The following NRCAM variants were observed in gnomAD, a reference collection of about 807,000 sequenced individuals.
The protein encoded by NRCAM is neuronal cell adhesion molecule, also known as NgCAM-related cell adhesion molecule.
In NRCAM, 83 loss-of-function variants were observed where a neutral mutation model predicts 156.5. That is an observed-to-expected ratio of 0.53 (90% confidence interval 0.44 to 0.64). NRCAM has a LOEUF of 0.64. NRCAM is among the 30% of genes least tolerant of loss of function. The probability of loss-of-function intolerance (pLI) is 0.00; values close to 1 mark genes in which losing one functional copy is unlikely to be tolerated. For missense variants in NRCAM, 1,417 were observed against 1,597.3 expected, an observed-to-expected ratio of 0.89 and a Z score of 1.92; for synonymous variants, 538 against 563.9, an observed-to-expected ratio of 0.95 and a Z score of 0.65.
chr7:108,422,004 C>A (rs1347476375), intron 1 of NRCAM, among the ~76,000 whole-genome samples: 1 of 152,158 alleles, frequency 6.6e-6, no homozygotes, highest in Non-Finnish European at 1.5e-5. Context: ...GAACAGTAGT[C>A]AAAATAGTCA....
chr7:108,224,474 G>A (rs2093062662), intron 10 of NRCAM, among the ~76,000 whole-genome samples: 1 of 152,042 alleles, frequency 6.6e-6, no homozygotes, highest in South Asian at 2.1e-4. Context: ...AAAAAATAAA[G>A]AGGATCCAAG....
At chr7:108,201,746 G>C (rs189388973) in intron 13 of NRCAM, among the ~76,000 whole-genome samples, 42 of 152,184 alleles carry the variant, frequency 2.8e-4, no homozygotes, top group Admixed American at 9.8e-4. Flanking sequence ...CAACTCTTTG[G>C]GAAGGTATTT....
chr7:108,350,257 C>T (rs2099402018), intron 2 of NRCAM, among the ~76,000 whole-genome samples: 1 of 152,196 alleles, frequency 6.6e-6, no homozygotes, highest in African/African-American at 2.4e-5. Flanking sequence ...TTCAACCATC[C>T]TAAGATGCTC....
intron 1 of NRCAM, among the ~76,000 whole-genome samples, chr7:108,448,711 A>G (rs1409966156): frequency 1.3e-5 from 2 of 152,214 alleles, no homozygotes; most frequent in Admixed American, 1.3e-4. Context: ...CTGCCTACCA[A>G]AATGAATGGA....
At chr7:108,360,223 A>C (rs757246381) in intron 2 of NRCAM, among the ~76,000 whole-genome samples, 1 of 152,174 alleles carries the variant, frequency 6.6e-6, no homozygotes, top group African/African-American at 2.4e-5. Context: ...TAGTCAATTA[A>C]ACAGAGAAGG....
intron 20 of NRCAM, among the ~76,000 whole-genome samples, chr7:108,186,161 T>C (rs1036121511): frequency 1.3e-5 from 2 of 152,224 alleles, no homozygotes; most frequent in African/African-American, 4.8e-5. Context: ...AAAAATATTA[T>C]ATGTCTTGCA....
chr7:108,282,384 T>A (rs750706916), intron 3 of NRCAM, among the ~76,000 whole-genome samples: 1 of 152,228 alleles, frequency 6.6e-6, no homozygotes, highest in Non-Finnish European at 1.5e-5. Flanking sequence ...GAGACATGAT[T>A]ACCAGAAACA....
At chr7:108,155,920 T>C (rs192139998) in intron 32 of NRCAM, among the ~76,000 whole-genome samples, 203 of 152,254 alleles carry the variant, frequency 1.3e-3, no homozygotes, top group African/African-American at 4.7e-3. Context: ...CAAATTGTTT[T>C]TCAATAGCAC....
chr7:108,344,342 A>C (rs1454634765), intron 2 of NRCAM, among the ~76,000 whole-genome samples: 1 of 152,210 alleles, frequency 6.6e-6, no homozygotes, highest in Non-Finnish European at 1.5e-5. Flanking sequence ...AGGTAAAGAA[A>C]TAGCCAATCA....
intron 13 of NRCAM, among the ~76,000 whole-genome samples, chr7:108,199,665 A>C: frequency 6.6e-6 from 1 of 152,164 alleles, no homozygotes. Context: ...TTCCAACCAA[A>C]GCCGGAAAAG....
chr7:108,392,281 T>G (rs2099762803), intron 2 of NRCAM, among the ~76,000 whole-genome samples: 1 of 152,216 alleles, frequency 6.6e-6, no homozygotes. Flanking sequence ...TTCTTTTTAC[T>G]TTTTTCTCTA....
intron 13 of NRCAM, among the ~76,000 whole-genome samples, chr7:108,200,297 G>A (rs367871498): frequency 4.6e-5 from 7 of 152,158 alleles, no homozygotes; most frequent in Non-Finnish European, 7.3e-5. Context: ...ATATAGATTC[G>A]TTGATAAAAG....
intron 11 of NRCAM, among the ~76,000 whole-genome samples, chr7:108,216,281 G>A (rs1000940715): frequency 2.0e-5 from 3 of 152,144 alleles, no homozygotes; most frequent in African/African-American, 4.8e-5. Context: ...CAAAAGATCC[G>A]CTGTTAGTCT....
At chr7:108,348,989 C>CA (rs1377230014) in intron 2 of NRCAM, among the ~76,000 whole-genome samples, 4 of 151,240 alleles carry the variant, frequency 2.6e-5, no homozygotes, top group Non-Finnish European at 1.5e-5. Context: ...AATGTATTGG[C>CA]AAGACAGGAT....
intron 1 of NRCAM, among the ~76,000 whole-genome samples, chr7:108,411,115 TTTA>T (rs1794857228): frequency 6.6e-6 from 1 of 152,210 alleles, no homozygotes; most frequent in Admixed American, 6.5e-5. Flanking sequence ...TCAGTTGGCA[TTTA>T]TTTTTTCTTC....
intron 3 of NRCAM, among the ~76,000 whole-genome samples, chr7:108,245,088 T>C (rs763564627): frequency 6.6e-6 from 1 of 151,974 alleles, no homozygotes; most frequent in Non-Finnish European, 1.5e-5. Context: ...GAAGGTAACT[T>C]TTATTACATT....
chr7:108,186,983 C>A (rs1587108970), intron 20 of NRCAM, among the ~76,000 whole-genome samples: 1 of 152,122 alleles, frequency 6.6e-6, no homozygotes, highest in South Asian at 2.1e-4. Flanking sequence ...TGACGTTTGA[C>A]AGATGTCACT....
intron 3 of NRCAM, among the ~76,000 whole-genome samples, chr7:108,255,434 C>T (rs1230825008): frequency 6.6e-6 from 1 of 152,212 alleles, no homozygotes; most frequent in East Asian, 1.9e-4. Flanking sequence ...TCCCGAGGTG[C>T]CGGGATTGCA....
At chr7:108,426,844 T>C (rs1817887847) in intron 1 of NRCAM, among the ~76,000 whole-genome samples, 1 of 152,256 alleles carries the variant, frequency 6.6e-6, no homozygotes, top group South Asian at 2.1e-4. Flanking sequence ...GATGTTCAGA[T>C]GATACATGCA....
Sources: gnomAD v4.1 joint callset for allele counts (sites outside exome capture counted in the v4.1 genomes callset) on GRCh38, gnomAD v4.1.1 for gene constraint, MANE v1.5 for transcripts, NCBI Gene and HGNC (gene_info 2026-07-23, HGNC 2026-07-21) for gene names.